CDH12: variants seen among roughly 807,000 people sequenced by gnomAD.
The protein encoded by CDH12 is cadherin 12.
Under a neutral mutation model 74.1 loss-of-function variants are expected in CDH12, and 41 were observed. That is an observed-to-expected ratio of 0.55 (90% CI 0.43 to 0.72). The LOEUF is 0.72. CDH12 is among the 30% of genes least tolerant of loss of function. The pLI is 0.00. For missense variants in CDH12, 945 were observed against 977.2 expected (o/e 0.97, Z 0.44); for synonymous variants, 399 against 355.0 (o/e 1.12, Z -1.39).
intron 2 of CDH12, among the ~76,000 whole-genome samples, chr5:22,461,524 A>T (rs558853653): frequency 6.6e-6 from 1 of 151,892 alleles, no homozygotes; most frequent in East Asian, 1.9e-4. Flanking sequence ...GGAAGTAAAT[A>T]TCTAAGGGCT....
chr5:22,216,090 G>A (rs1166508457), intron 3 of CDH12, among the ~76,000 whole-genome samples: 7 of 151,948 alleles, frequency 4.6e-5, no homozygotes, highest in Admixed American at 2.6e-4. Flanking sequence ...TCCTTTTTAC[G>A]TAAGTCCTAT....
chr5:21,820,715 A>G (rs1748321467), intron 8 of CDH12, among the ~76,000 whole-genome samples: 1 of 151,982 alleles, frequency 6.6e-6, no homozygotes, highest in Non-Finnish European at 1.5e-5. Flanking sequence ...TTGACATTTT[A>G]TCATGTCTGG....
chr5:22,707,357 T>C (rs1372639521), intron 1 of CDH12, among the ~76,000 whole-genome samples: 1 of 152,232 alleles, frequency 6.6e-6, no homozygotes, highest in Non-Finnish European at 1.5e-5. Context: ...ATGTCTTCTA[T>C]ATTGAAATGA....
intron 3 of CDH12, among the ~76,000 whole-genome samples, chr5:22,277,860 A>G (rs902649379): frequency 1.3e-5 from 2 of 152,076 alleles, no homozygotes; most frequent in African/African-American, 4.8e-5. Flanking sequence ...ACAACAAACA[A>G]ACAAACGAAA....
chr5:22,806,440 C>A (rs899307135), intron 1 of CDH12, among the ~76,000 whole-genome samples: 3 of 151,204 alleles, frequency 2.0e-5, no homozygotes, highest in Non-Finnish European at 2.9e-5. Flanking sequence ...GCAAGCTCCG[C>A]CTCCCGGGTT....
intron 6 of CDH12, among the ~76,000 whole-genome samples, chr5:21,952,228 T>C (rs1164496832): frequency 6.6e-6 from 1 of 152,044 alleles, no homozygotes; most frequent in Admixed American, 6.5e-5. Context: ...GGACCTGAAG[T>C]AGGGAGGTGG....
chr5:21,888,656 G>A, intron 6 of CDH12, among the ~76,000 whole-genome samples: 1 of 152,024 alleles, frequency 6.6e-6, no homozygotes, highest in Middle Eastern at 3.5e-3. Context: ...TCAAACATGT[G>A]GGAGGTATTT....
intron 1 of CDH12, among the ~76,000 whole-genome samples, chr5:22,544,132 C>G (rs1440566517): frequency 7.0e-6 from 1 of 143,700 alleles, no homozygotes; most frequent in Non-Finnish European, 1.6e-5. Context: ...GCATCATTTA[C>G]TTTTTTTTTT....
At chr5:22,224,674 A>G (rs567639327) in intron 3 of CDH12, among the ~76,000 whole-genome samples, 5 of 152,156 alleles carry the variant, frequency 3.3e-5, no homozygotes, top group Non-Finnish European at 4.4e-5. Flanking sequence ...GCCACAATTT[A>G]TCAACTCTGA....
chr5:21,764,947 A>T, intron 12 of CDH12, 31 bp downstream of exon 12: 1 of 1,611,418 alleles, frequency 6.2e-7, no homozygotes, highest in Non-Finnish European at 8.5e-7. Flanking sequence ...GTGGGTCTTT[A>T]TACACTCAAG....
chr5:22,741,583 G>A (rs1262912429), intron 1 of CDH12, among the ~76,000 whole-genome samples: 2 of 152,114 alleles, frequency 1.3e-5, no homozygotes, highest in African/African-American at 2.4e-5. Context: ...CATGCAAAAT[G>A]TGAAAAGTCT....
chr5:22,349,350 T>C (rs1238235849), intron 3 of CDH12, among the ~76,000 whole-genome samples: 2 of 152,214 alleles, frequency 1.3e-5, no homozygotes, highest in African/African-American at 2.4e-5. Flanking sequence ...ATGATAATGA[T>C]ACAAAGCAGA....
chr5:21,962,431 T>C (rs527808516), intron 6 of CDH12, among the ~76,000 whole-genome samples: 47 of 152,284 alleles, frequency 3.1e-4, no homozygotes, highest in East Asian at 2.3e-3. Flanking sequence ...TACTGAAAAT[T>C]TCCTTTTTTG....
intron 3 of CDH12, among the ~76,000 whole-genome samples, chr5:22,326,298 G>A (rs1420965719): frequency 1.3e-5 from 2 of 151,634 alleles, no homozygotes; most frequent in Non-Finnish European, 2.9e-5. Context: ...GCAGTGGCGC[G>A]ATCTCGGCTC....
At chr5:22,241,567 A>G (rs1271886747) in intron 3 of CDH12, among the ~76,000 whole-genome samples, 2 of 151,978 alleles carry the variant, frequency 1.3e-5, no homozygotes, top group African/African-American at 2.4e-5. Flanking sequence ...AGTGTATTTT[A>G]CGTAATTCTT....
At chr5:22,269,955 C>T (rs1208955957) in intron 3 of CDH12, among the ~76,000 whole-genome samples, 3 of 152,006 alleles carry the variant, frequency 2.0e-5, no homozygotes, top group Non-Finnish European at 4.4e-5. Context: ...ATTATAAAAT[C>T]GTGATTCATT....
intron 5 of CDH12, among the ~76,000 whole-genome samples, chr5:22,058,837 T>C (rs553006165): frequency 6.6e-6 from 1 of 152,108 alleles, no homozygotes; most frequent in African/African-American, 2.4e-5. Context: ...GGTTGACTGA[T>C]TGTATCTAAC....
At chr5:22,477,120 G>T (rs915556194) in intron 2 of CDH12, among the ~76,000 whole-genome samples, 1 of 152,206 alleles carries the variant, frequency 6.6e-6, no homozygotes, top group African/African-American at 2.4e-5. Context: ...GAGTACAAGT[G>T]CAGGTTTGTT....
chr5:22,850,723 T>A (rs924986362), intron 1 of CDH12, among the ~76,000 whole-genome samples: 2 of 152,082 alleles, frequency 1.3e-5, no homozygotes, highest in Non-Finnish European at 2.9e-5. Context: ...AATCACTCTT[T>A]CCCTTTGGAA....
Sources: gnomAD v4.1 joint callset for allele counts (sites outside exome capture counted in the v4.1 genomes callset) on GRCh38, gnomAD v4.1.1 for gene constraint, MANE v1.5 for transcripts, NCBI Gene and HGNC (gene_info 2026-07-23, HGNC 2026-07-21) for gene names.